The following UXS1 variants were observed in gnomAD, a reference collection of about 807,000 sequenced individuals.
The protein encoded by UXS1 is UDP-glucuronic acid decarboxylase 1.
Under a neutral mutation model 62.6 loss-of-function variants are expected in UXS1, and 33 were observed. The observed-to-expected ratio is 0.53, with a 90% CI of 0.40 to 0.70. The LOEUF (loss-of-function observed/expected upper bound fraction) is 0.70. Among genes scored for constraint, UXS1 ranks in the 30% least tolerant of loss-of-function variants. The pLI is 0.00. For missense variants in UXS1, 434 were observed against 556.3 expected (o/e 0.78, Z 2.21); for synonymous variants, 213 against 206.8 (o/e 1.03, Z -0.26).
At chr2:106,125,316 G>A (rs151312633) in intron 8 of UXS1, among the ~76,000 whole-genome samples, 192 of 152,356 alleles carry the variant, frequency 1.3e-3, no homozygotes, top group African/African-American at 4.1e-3. Flanking sequence ...TAAAAAGATA[G>A]TGTGATTTGT....
chr2:106,122,864 T>TC (rs1679630540), intron 9 of UXS1, 106 bp downstream of exon 9: 1 of 1,488,666 alleles, frequency 6.7e-7, no homozygotes, highest in Non-Finnish European at 9.1e-7. Context: ...CAAACACCTA[T>TC]CCCCAGACAA....
intron 8 of UXS1, 64 bp from the exon 9 acceptor site, chr2:106,123,155 A>C (rs1679657001): frequency 6.3e-7 from 1 of 1,599,012 alleles, no homozygotes; most frequent in East Asian, 2.3e-5. Context: ...TCAATAATGC[A>C]TATTTATGAT....
chr2:106,105,402 A>T (rs1024831181), intron 10 of UXS1, among the ~76,000 whole-genome samples: 1 of 144,184 alleles, frequency 6.9e-6, no homozygotes, highest in African/African-American at 2.6e-5. Flanking sequence ...TGGCAGGAGG[A>T]GGGTCACATT....
At chr2:106,141,268 A>C (rs938258225) in intron 6 of UXS1, among the ~76,000 whole-genome samples, 2 of 152,186 alleles carry the variant, frequency 1.3e-5, no homozygotes, top group Non-Finnish European at 2.9e-5. Context: ...AAGTGGAAGA[A>C]AATAAGATTC....
intron 11 of UXS1, chr2:106,101,999 T>C (rs1439242135): frequency 6.6e-6 from 1 of 152,236 alleles, no homozygotes; most frequent in Non-Finnish European, 1.5e-5. Flanking sequence ...GAGGAGCAGG[T>C]CACTCTGGGT....
At chr2:106,138,610 G>C in intron 6 of UXS1, 1 of 985,550 alleles carries the variant, frequency 1.0e-6, no homozygotes, top group Non-Finnish European at 1.2e-6. Context: ...GAGAAGAGAT[G>C]AGCGTAAACT....
rs1238356347 is a variant in UXS1, at chr2:106,117,667, AG to A, written c.760-4903del. 3.3e-5 allele frequency among the ~76,000 whole-genome samples: 5 copies of A among 152,226 alleles called. No homozygotes were observed. In the East Asian group the frequency reaches 9.6e-4, roughly 29 times the overall value. On this transcript the variant is annotated intron_variant, in intron 9 of 14. Coordinates refer to ENST00000283148, the MANE Select transcript of UXS1 (RefSeq NM_001253875.2). ...GTAGGGAATGGAATGGAGAAATGCCAGGAAGTGCACCAAGGTACAGCAGCCC... is the reference window on the plus strand; with the variant it reads ...GTAGGGAATGGAATGGAGAAATGCCAGAAGTGCACCAAGGTACAGCAGCCC...
intron 10 of UXS1, among the ~76,000 whole-genome samples, chr2:106,108,438 T>A (rs1678278768): frequency 6.6e-6 from 1 of 152,150 alleles, no homozygotes; most frequent in African/African-American, 2.4e-5. Context: ...CACTTCAAGA[T>A]AAGGCCTGCA....
intron 14 of UXS1, among the ~76,000 whole-genome samples, chr2:106,095,088 C>T (rs1412584829): frequency 6.6e-6 from 1 of 152,186 alleles, no homozygotes; most frequent in East Asian, 1.9e-4. Context: ...AGATGGCTCA[C>T]ATTCCAAGAA....
At chr2:106,125,222 A>G (rs1679832870) in intron 8 of UXS1, among the ~76,000 whole-genome samples, 1 of 152,204 alleles carries the variant, frequency 6.6e-6, no homozygotes, top group African/African-American at 2.4e-5. Context: ...GCAAGCTTTA[A>G]AGGCCAGCCC....
intron 10 of UXS1, among the ~76,000 whole-genome samples, chr2:106,108,942 A>G (rs1010940399): frequency 5.9e-5 from 9 of 151,440 alleles, no homozygotes; most frequent in African/African-American, 2.2e-4. Flanking sequence ...AGAAACCCTT[A>G]CCCTCGATAT....
intron 11 of UXS1, among the ~76,000 whole-genome samples, chr2:106,103,959 G>C (rs1677825116): frequency 6.6e-6 from 1 of 152,162 alleles, no homozygotes; most frequent in Non-Finnish European, 1.5e-5. Context: ...GGACTTGGGG[G>C]CTGCCCCGAC....
chr2:106,139,363 G>C (rs1256413784), intron 6 of UXS1, among the ~76,000 whole-genome samples: 1 of 152,170 alleles, frequency 6.6e-6, no homozygotes, highest in East Asian at 1.9e-4. Flanking sequence ...GAGCATGCAG[G>C]GTAATCTTAT....
At chr2:106,100,017 G>T (rs552834346) in intron 12 of UXS1, among the ~76,000 whole-genome samples, 4 of 152,222 alleles carry the variant, frequency 2.6e-5, no homozygotes, top group Admixed American at 2.6e-4. Flanking sequence ...GACATGGTTT[G>T]CAAGAAATAG....
At chr2:106,194,110 G>T in intron 1 of UXS1, 38 bp downstream of exon 1, 1 of 1,432,752 alleles carries the variant, frequency 7.0e-7, no homozygotes, top group South Asian at 1.3e-5. Flanking sequence ...GCCGGGGAAT[G>T]AATGGGGCTC....
intron 12 of UXS1, 146 bp downstream of exon 12, chr2:106,100,912 T>C: frequency 1.0e-6 from 1 of 1,003,642 alleles, no homozygotes; most frequent in Admixed American, 2.3e-5. Flanking sequence ...TGTTTGTTTG[T>C]TTTTCCTCTA....
rs530635748 is a variant in UXS1 at position 106,176,809 on chromosome 2, CCTCCCTGTGGTCCTCGCCCTG to C, written c.95-10747_95-10727del. On this transcript the variant is annotated intron_variant, in intron 1 of 14. Transcript: ENST00000283148. The stretch of plus-strand genomic sequence containing the variant: ...AAGCAAAGGGCGCTTGCTTATCAGA[CCTCCCTGTGGTCCTCGCCCTG>C]CTCTGAGCCCTCCAGGAAGCCAGAA... Among the ~76,000 whole-genome samples, 9 of 152,350 alleles carry C rather than the reference CCTCCCTGTGGTCCTCGCCCTG, an allele frequency of 5.9e-5. No homozygotes were observed. In the South Asian group the frequency reaches 1.9e-3, roughly 32 times the overall value.
At chr2:106,104,387 T>A (rs1056577542) in intron 11 of UXS1, among the ~76,000 whole-genome samples, 27 of 152,240 alleles carry the variant, frequency 1.8e-4, no homozygotes, top group African/African-American at 6.5e-4. Context: ...ACTATCTACC[T>A]TGTGCCCTCC....
chr2:106,098,048 A>G (rs374773701), intron 13 of UXS1, among the ~76,000 whole-genome samples: 116 of 152,344 alleles, frequency 7.6e-4, no homozygotes, highest in Admixed American at 2.5e-3. Context: ...ACACTGTGGC[A>G]TACTCCTCCT....
Sources: gnomAD v4.1 joint callset for allele counts (sites outside exome capture counted in the v4.1 genomes callset) on GRCh38, gnomAD v4.1.1 for gene constraint, MANE v1.5 for transcripts, NCBI Gene and HGNC (gene_info 2026-07-23, HGNC 2026-07-21) for gene names.